UQCRHL: variants seen among roughly 807,000 people sequenced by gnomAD.
The protein encoded by UQCRHL is ubiquinol-cytochrome c reductase hinge protein like.
In UQCRHL, 1 loss-of-function variant was observed where a neutral mutation model predicts 2.2. That is an observed-to-expected ratio of 0.46 (90% CI 0.16 to 2.18). The LOEUF (loss-of-function observed/expected upper bound fraction) is 2.18, where lower values mean the gene tolerates loss of function less well. Among genes scored for constraint, UQCRHL ranks in the 30% most tolerant of loss-of-function variants. The pLI, the probability that UQCRHL is intolerant of heterozygous loss-of-function variation, is 0.27. For synonymous variants in UQCRHL, 46 were observed against 44.6 expected, an observed-to-expected ratio of 1.03 and a Z score of -0.13; for missense variants, 114 against 108.6, an observed-to-expected ratio of 1.05 and a Z score of -0.22.
chr1:15,807,602 A>G (rs2148682980), exon 1 of UQCRHL: 1 of 1,614,066 alleles, frequency 6.2e-7, no homozygotes, highest in East Asian at 2.2e-5. Flanking sequence ...CCTCCTCCTC[A>G]GGATCTCCGG....
chr1:15,807,455 C>A, exon 1 of UQCRHL: 2 of 1,614,164 alleles, frequency 1.2e-6, no homozygotes, highest in Non-Finnish European at 1.7e-6. Context: ...CCGTGCAATC[C>A]TCTTCTGTAT....
chr1:15,807,611 G>A (rs373498581), exon 1 of UQCRHL: 203 of 1,614,096 alleles, frequency 1.3e-4, no homozygotes, highest in Middle Eastern at 4.9e-4. Flanking sequence ...CAGGATCTCC[G>A]GATTCGGTAA....
chr1:15,807,389 A>G (rs1206531534), exon 1 of UQCRHL: 8 of 1,614,014 alleles, frequency 5.0e-6, no homozygotes, highest in African/African-American at 2.7e-5. Context: ...TCAAGTTGTT[A>G]AAGAGTTTGT....
exon 1 of UQCRHL, chr1:15,807,619 T>C (rs2148682992): frequency 6.2e-7 from 1 of 1,614,182 alleles, no homozygotes; most frequent in East Asian, 2.2e-5. Context: ...CCGGATTCGG[T>C]AAGCATCTTT....
At chr1:15,807,523 A>G in exon 1 of UQCRHL, 1 of 1,613,978 alleles carries the variant, frequency 6.2e-7, no homozygotes, top group Non-Finnish European at 8.5e-7. Context: ...GCCTTTACAC[A>G]TTTCTCCAAC....
exon 1 of UQCRHL, chr1:15,807,451 A>G: frequency 1.2e-6 from 2 of 1,614,188 alleles, no homozygotes; most frequent in South Asian, 1.1e-5. Flanking sequence ...TCCTCCGTGC[A>G]ATCCTCTTCT....
chr1:15,807,545 C>T (rs777650955), exon 1 of UQCRHL: 1 of 1,614,142 alleles, frequency 6.2e-7, no homozygotes, highest in Admixed American at 1.7e-5. Flanking sequence ...GCTCGCATTG[C>T]TCTCTCACTG....
At chr1:15,807,615 T>C (rs2148682987) in exon 1 of UQCRHL, 1 of 1,614,186 alleles carries the variant, frequency 6.2e-7, no homozygotes. Flanking sequence ...ATCTCCGGAT[T>C]CGGTAAGCAT....
chr1:15,807,415 C>T, exon 1 of UQCRHL: 1 of 1,614,158 alleles, frequency 6.2e-7, no homozygotes, highest in South Asian at 1.1e-5. Context: ...ACGCAATGGT[C>T]CTTTGCATGC....
At chr1:15,807,406 C>A in exon 1 of UQCRHL, 4 of 1,614,138 alleles carry the variant, frequency 2.5e-6, no homozygotes, top group Middle Eastern at 1.7e-4. Context: ...TTGTGGGCCA[C>A]GCAATGGTCC....
In UQCRHL at chr1:15,807,610, C is replaced by T. The variant is rs200468207; in HGVS notation, c.40G>A (p.Gly14Arg). The change falls in exon 1 of 1, where the codon GGA (glycine) becomes AGA (arginine). Residue 14 changes from glycine (G) to arginine (R), a missense_variant. Coordinates refer to ENST00000483273, the Ensembl canonical transcript of UQCRHL. ...TCCTCTTCCTCCTCCTCAGGATCTC[C>T]GGATTCGGTAAGCATCTTTTGCTCG... 354 of 1,614,040 alleles carry T rather than the reference C, an allele frequency of 2.2e-4. No homozygotes were observed. Among genetic ancestry groups the T allele is most frequent in the Non-Finnish European group, 2.7e-4 (313 of 1,180,054 alleles).
chr1:15,807,513 G>C (rs1164868714), exon 1 of UQCRHL: 13 of 1,614,102 alleles, frequency 8.1e-6, no homozygotes, highest in Non-Finnish European at 1.1e-5. Context: ...CCGCTCCCGG[G>C]CCTTTACACA....
chr1:15,807,485 C>T (rs774100070), exon 1 of UQCRHL: 7 of 1,614,044 alleles, frequency 4.3e-6, no homozygotes, highest in Non-Finnish European at 5.9e-6. Context: ...AGGATACATG[C>T]TCATCATAGA....
In UQCRHL at chr1:15,807,490, C is replaced by G. The variant is rs772679084; in HGVS notation, c.160G>C (p.Asp54His). ...TGTGATCGAGAGGATACATGCTCAT[C>G]ATAGAGCTCTAGCCGCTCCCGGGCC... is the stretch of plus-strand genomic sequence containing the variant. Residue 54 changes from aspartate (D) to histidine (H), a missense_variant, in exon 1 of 1, where the codon GAT becomes CAT. By Grantham distance (81) the Asp-to-His change is moderately conservative. Transcript: ENST00000483273. The G allele has an allele frequency of 1.2e-6, 2 of 1,614,050 alleles. No individual in the cohort carries two copies. Among genetic ancestry groups the G allele is most frequent in the Non-Finnish European group, 1.7e-6 (2 of 1,180,044 alleles).
exon 1 of UQCRHL, chr1:15,807,417 T>C (rs570054582): frequency 1.3e-5 from 21 of 1,614,172 alleles, no homozygotes; most frequent in African/African-American, 6.7e-5. Context: ...GCAATGGTCC[T>C]TTGCATGCAA....
exon 1 of UQCRHL, chr1:15,807,450 C>T (rs1273568924): frequency 4.3e-6 from 7 of 1,614,080 alleles, no homozygotes; most frequent in Non-Finnish European, 2.5e-6. Flanking sequence ...CTCCTCCGTG[C>T]AATCCTCTTC....
At chr1:15,807,419 T>C (rs10722) in exon 1 of UQCRHL, 20 of 1,614,172 alleles carry the variant, frequency 1.2e-5, no homozygotes, top group African/African-American at 5.3e-5. Context: ...AATGGTCCTT[T>C]GCATGCAAGA....
At chr1:15,807,649 T>C (rs1337602123) in exon 1 of UQCRHL, 3 of 1,614,004 alleles carry the variant, frequency 1.9e-6, no homozygotes, top group South Asian at 2.2e-5. Context: ...TCCAGTCCCA[T>C]GTCTGGCTAC....
Position 15,807,471 on chromosome 1 carries a change from C to T in UQCRHL, c.179G>A (p.Arg60Gln), listed in dbSNP as rs780112142. 22 of 1,614,120 alleles carry T rather than the reference C, an allele frequency of 1.4e-5. No homozygotes were observed. The highest frequency in any genetic ancestry group is 5.5e-5 in the South Asian group (5 of 91,072). ...CGTGCAATCCTCTTCTGTATGTGAT[C>T]GAGAGGATACATGCTCATCATAGAG... The change falls in exon 1 of 1, where the codon CGA (arginine) becomes CAA (glutamine). Residue 60 changes from arginine (R) to glutamine (Q), a missense_variant. Arg to Gln is a conservative substitution (Grantham distance 43). Transcript: ENST00000483273.
Sources: gnomAD v4.1 joint callset for allele counts on GRCh38, gnomAD v4.1.1 for gene constraint, MANE v1.5 for transcripts, NCBI Gene and HGNC (gene_info 2026-07-23, HGNC 2026-07-21) for gene names.